The following CTNNA3 variants were observed in gnomAD, a reference collection of about 807,000 sequenced individuals.
CTNNA3 encodes catenin alpha 3.
In CTNNA3, 76 loss-of-function variants were observed where a neutral mutation model predicts 95.7. The ratio of observed to expected loss-of-function variants is 0.79; its 90% CI spans 0.66 to 0.96. CTNNA3 has a LOEUF of 0.96. CTNNA3 is among the 40% of genes least tolerant of loss of function. The pLI, the probability that CTNNA3 is intolerant of heterozygous loss-of-function variation, is 0.00. For synonymous variants in CTNNA3, 431 were observed against 374.4 expected, an observed-to-expected ratio of 1.15 and a Z score of -1.74; for missense variants, 1,191 against 1,089.8, an observed-to-expected ratio of 1.09 and a Z score of -1.31.
chr10:67,679,563 A>G (rs1160966929), intron 1 of CTNNA3, among the ~76,000 whole-genome samples: 1 of 152,224 alleles, frequency 6.6e-6, no homozygotes, highest in Non-Finnish European at 1.5e-5. Context: ...AAAAGTATCA[A>G]AATATTATTA....
At chr10:65,952,844 G>T (rs1475367559) in intron 17 of CTNNA3, among the ~76,000 whole-genome samples, 1 of 152,152 alleles carries the variant, frequency 6.6e-6, no homozygotes, top group Non-Finnish European at 1.5e-5. Context: ...CCCTTTGACT[G>T]ATTAGTTTTA....
chr10:67,404,452 A>G (rs1845052996), intron 5 of CTNNA3, among the ~76,000 whole-genome samples: 1 of 152,036 alleles, frequency 6.6e-6, no homozygotes, highest in Non-Finnish European at 1.5e-5. Flanking sequence ...CAGAAGAAAG[A>G]ATCTCAGAGC....
chr10:67,180,539 T>G lies in CTNNA3; in HGVS notation c.844-19A>C. 1 of 1,586,930 alleles carries G rather than the reference T, an allele frequency of 6.3e-7. No homozygotes were observed. Among genetic ancestry groups the G allele is most frequent in the Non-Finnish European group, 8.7e-7 (1 of 1,155,488 alleles). On this transcript the variant is annotated intron_variant, in intron 6 of 17. Coordinates refer to ENST00000433211, the MANE Select transcript of CTNNA3 (RefSeq NM_013266.4). ...TTAAATTCTAAGAGAAGAACACATT[T>G]GTATGGTTAGAGCTCCATGGCATTT...
intron 11 of CTNNA3, among the ~76,000 whole-genome samples, chr10:66,407,121 A>G (rs572655566): frequency 6.6e-6 from 1 of 152,242 alleles, no homozygotes; most frequent in African/African-American, 2.4e-5. Flanking sequence ...GATAGTGGAA[A>G]ACACCCAATT....
intron 9 of CTNNA3, among the ~76,000 whole-genome samples, chr10:66,645,809 C>G (rs1845688177): frequency 6.6e-6 from 1 of 152,136 alleles, no homozygotes. Context: ...ATCTTGAAAA[C>G]ACCCCTGCCT....
intron 13 of CTNNA3, among the ~76,000 whole-genome samples, chr10:66,232,587 GA>G (rs1380519733): frequency 1.3e-5 from 2 of 151,982 alleles, no homozygotes; most frequent in Admixed American, 1.3e-4. Context: ...AATTTAAGTA[GA>G]AAAGATCCAG....
At chr10:67,745,111 G>C (rs903491896) in intron 1 of CTNNA3, among the ~76,000 whole-genome samples, 1 of 152,014 alleles carries the variant, frequency 6.6e-6, no homozygotes, top group Non-Finnish European at 1.5e-5. Flanking sequence ...CGATTCCTCA[G>C]GGATCTAGAA....
chr10:67,763,534 T>G (rs570457633), exon 1 of CTNNA3, among the ~76,000 whole-genome samples: 2 of 152,338 alleles, frequency 1.3e-5, no homozygotes, highest in South Asian at 4.1e-4. Context: ...GGGGTTTCCA[T>G]GAACACTCCT....
At chr10:66,846,656 A>C (rs1019522057) in intron 7 of CTNNA3, among the ~76,000 whole-genome samples, 2 of 152,112 alleles carry the variant, frequency 1.3e-5, no homozygotes, top group African/African-American at 4.8e-5. Context: ...AAAAAAAAGA[A>C]ATAAATTTGT....
At chr10:67,470,410 AAG>A (rs2133024644) in intron 5 of CTNNA3, among the ~76,000 whole-genome samples, 1 of 152,326 alleles carries the variant, frequency 6.6e-6, no homozygotes, top group African/African-American at 2.4e-5. Context: ...CAATAAAAAT[AAG>A]AGTACAGATA....
chr10:66,964,880 T>A (rs1003403178), intron 7 of CTNNA3, among the ~76,000 whole-genome samples: 1 of 152,164 alleles, frequency 6.6e-6, no homozygotes, highest in African/African-American at 2.4e-5. Context: ...AACTCAAAAT[T>A]AAACCCTGAC....
At chr10:66,933,407 C>CTA (rs1324223035) in intron 7 of CTNNA3, among the ~76,000 whole-genome samples, 2 of 152,160 alleles carry the variant, frequency 1.3e-5, no homozygotes, top group Admixed American at 1.3e-4. Flanking sequence ...GATCAGGCAA[C>CTA]TATAGCAAGG....
chr10:66,183,207 C>G (rs1177030600), intron 13 of CTNNA3, among the ~76,000 whole-genome samples: 1 of 152,234 alleles, frequency 6.6e-6, no homozygotes, highest in African/African-American at 2.4e-5. Flanking sequence ...AGGGCCAAAT[C>G]TGGCTCTCTA....
chr10:66,374,545 A>G (rs2092779043), intron 12 of CTNNA3, among the ~76,000 whole-genome samples: 1 of 151,880 alleles, frequency 6.6e-6, no homozygotes, highest in Non-Finnish European at 1.5e-5. Flanking sequence ...GAGAGATTCA[A>G]AGAAAAATAA....
intron 5 of CTNNA3, among the ~76,000 whole-genome samples, chr10:67,404,996 G>C (rs1278561302): frequency 6.6e-6 from 1 of 152,148 alleles, no homozygotes; most frequent in Middle Eastern, 3.2e-3. Flanking sequence ...ATCCTTTTCA[G>C]ACAAGCAAAT....
chr10:67,498,759 G>C (rs1839126505), intron 5 of CTNNA3, among the ~76,000 whole-genome samples: 1 of 152,148 alleles, frequency 6.6e-6, no homozygotes, highest in South Asian at 2.1e-4. Context: ...ATATAGGAAT[G>C]CTTGTGATTT....
At chr10:66,113,288 AGT>A (rs556180546) in intron 13 of CTNNA3, among the ~76,000 whole-genome samples, 132 of 152,270 alleles carry the variant, frequency 8.7e-4, no homozygotes, top group African/African-American at 3.0e-3. Context: ...CATGCATAGA[AGT>A]GTGTCAGTGG....
chr10:66,954,411 A>G (rs1848687534), intron 7 of CTNNA3, among the ~76,000 whole-genome samples: 1 of 152,146 alleles, frequency 6.6e-6, no homozygotes, highest in South Asian at 2.1e-4. Flanking sequence ...AAACGCTTAA[A>G]ATAGCGAAAA....
chr10:67,601,603 A>T (rs996975500), intron 3 of CTNNA3, among the ~76,000 whole-genome samples: 3 of 152,190 alleles, frequency 2.0e-5, no homozygotes, highest in Non-Finnish European at 4.4e-5. Context: ...GAAACTATAT[A>T]AAGGTAGTAT....
Sources: gnomAD v4.1 joint callset for allele counts (sites outside exome capture counted in the v4.1 genomes callset) on GRCh38, gnomAD v4.1.1 for gene constraint, MANE v1.5 for transcripts, NCBI Gene and HGNC (gene_info 2026-07-23, HGNC 2026-07-21) for gene names.